Variants in RFX3 observed in about 807,000 individuals in gnomAD.
RFX3 encodes the protein transcription factor RFX3.
In RFX3, 14 loss-of-function variants were observed where a neutral mutation model predicts 98.6. That is an observed-to-expected ratio of 0.14 (90% CI 0.09 to 0.22). RFX3 has a LOEUF of 0.22. Among genes scored for constraint, RFX3 ranks in the 10% least tolerant of loss-of-function variants. The probability of loss-of-function intolerance (pLI) is 1.00; values close to 1 mark genes in which losing one functional copy is unlikely to be tolerated. For synonymous variants in RFX3, 383 were observed against 328.4 expected (o/e 1.17, Z -1.80); for missense variants, 639 against 926.9 (o/e 0.69, Z 4.03).
At chr9:3,383,442 T>C (rs1839401774) in intron 2 of RFX3, among the ~76,000 whole-genome samples, 1 of 152,134 alleles carries the variant, frequency 6.6e-6, no homozygotes, top group South Asian at 2.1e-4. Context: ...AGAGGGCTTA[T>C]AGCACTTCAC....
chr9:3,484,798 A>G (rs930412728), intron 1 of RFX3, among the ~76,000 whole-genome samples: 4 of 152,120 alleles, frequency 2.6e-5, no homozygotes, highest in Non-Finnish European at 5.9e-5. Context: ...TAAATAGTAA[A>G]CAAAGGCTGG....
intron 1 of RFX3, among the ~76,000 whole-genome samples, chr9:3,509,051 T>C (rs1038291116): frequency 2.6e-5 from 4 of 151,634 alleles, no homozygotes; most frequent in African/African-American, 9.7e-5. Flanking sequence ...CCTGCCACAG[T>C]CCCATACTAT....
chr9:3,439,098 C>T (rs865979086), intron 1 of RFX3, among the ~76,000 whole-genome samples: 2 of 150,872 alleles, frequency 1.3e-5, no homozygotes, highest in Non-Finnish European at 3.0e-5. Flanking sequence ...GAAACAAAAA[C>T]GGGGATTAGA....
chr9:3,266,620 G>C (rs1004703689), intron 11 of RFX3, among the ~76,000 whole-genome samples: 2 of 151,692 alleles, frequency 1.3e-5, no homozygotes, highest in African/African-American at 4.8e-5. Context: ...TTTCTTGCTT[G>C]GAAAAAAACA....
At chr9:3,491,708 ATC>A (rs1451598762) in intron 1 of RFX3, among the ~76,000 whole-genome samples, 2 of 152,104 alleles carry the variant, frequency 1.3e-5, no homozygotes, top group African/African-American at 4.8e-5. Context: ...GTTGCTTAGG[ATC>A]TCTTTGTTTT....
chr9:3,412,784 C>T (rs1281697899), intron 1 of RFX3, among the ~76,000 whole-genome samples: 1 of 152,084 alleles, frequency 6.6e-6, no homozygotes, highest in African/African-American at 2.4e-5. Flanking sequence ...AAAAAAACTG[C>T]AAATTTCTTA....
In RFX3 at chr9:3,220,014, G is replaced by A. The variant is rs753302030; in HGVS notation, c.*5028C>T. ...TCCCTTGAACAAAATCAGCAATGGT[G>A]TAAGCAGACTGACATTTAGAGATAT... On this transcript the variant is annotated 3_prime_UTR_variant, in exon 17 of 17. Transcript: ENST00000617270. The A allele has an allele frequency of 6.6e-6, 1 of 152,214 alleles. No homozygotes were observed. The highest frequency in any genetic ancestry group is 1.5e-5 in the Non-Finnish European group (1 of 68,050). 9.4% of individuals were successfully genotyped at this position (152,214 alleles called of 1,614,324 possible).
chr9:3,451,801 T>C (rs944535925), intron 1 of RFX3, among the ~76,000 whole-genome samples: 3 of 152,038 alleles, frequency 2.0e-5, no homozygotes, highest in Non-Finnish European at 4.4e-5. Context: ...TAAATCTAAA[T>C]TTATTCTAAA....
chr9:3,398,914 T>TAAAAAAAAAAAAAAAAAAAAAAAAAA (rs71324247), intron 1 of RFX3, among the ~76,000 whole-genome samples: 1 of 67,568 alleles, frequency 1.5e-5, no homozygotes, highest in African/African-American at 4.8e-5. Flanking sequence ...TAGAGTATAA[T>TAAAAAAAAAAAAAAAAAAAAAAAAAA]AAAAAAAAAA....
intron 2 of RFX3, among the ~76,000 whole-genome samples, chr9:3,367,295 C>A (rs755258176): frequency 6.6e-6 from 1 of 152,024 alleles, no homozygotes; most frequent in Non-Finnish European, 1.5e-5. Flanking sequence ...AAGCAGGCAG[C>A]CTCTAGGAGT....
At chr9:3,469,986 T>C (rs1018853527) in intron 1 of RFX3, among the ~76,000 whole-genome samples, 3 of 152,094 alleles carry the variant, frequency 2.0e-5, no homozygotes, top group Non-Finnish European at 4.4e-5. Context: ...AGGATCACTA[T>C]TGTAATCCCA....
chr9:3,494,895 T>G (rs1850993464), intron 1 of RFX3, among the ~76,000 whole-genome samples: 1 of 151,964 alleles, frequency 6.6e-6, no homozygotes, highest in African/African-American at 2.4e-5. Flanking sequence ...ATTCACACTT[T>G]GAGAAGCATT....
At chr9:3,451,233 A>G (rs1052409762) in intron 1 of RFX3, among the ~76,000 whole-genome samples, 3 of 152,248 alleles carry the variant, frequency 2.0e-5, no homozygotes, top group Non-Finnish European at 4.4e-5. Flanking sequence ...CATATAATCC[A>G]TGAGCCATAT....
chr9:3,446,200 G>T (rs1245221843), intron 1 of RFX3, among the ~76,000 whole-genome samples: 1 of 151,964 alleles, frequency 6.6e-6, no homozygotes, highest in Admixed American at 6.6e-5. Flanking sequence ...GGGTTACTGG[G>T]GGAGTATATA....
chr9:3,219,745 T>C lies in RFX3; in HGVS notation c.*5297A>G, dbSNP rs774219594. On this transcript the variant is annotated 3_prime_UTR_variant, in exon 17 of 17. Coordinates refer to ENST00000617270, the MANE Select transcript of RFX3 (RefSeq NM_001282116.2). ...AAGAATTCAAAAGAAGAGAGTTAAATTAAAACCCTTTGAGTATTGCATGTT... is the reference window on the plus strand; with the variant it reads ...AAGAATTCAAAAGAAGAGAGTTAAACTAAAACCCTTTGAGTATTGCATGTT... 2.6e-5 allele frequency: 4 copies of C among 152,152 alleles called. No homozygotes were observed. Among genetic ancestry groups the C allele is most frequent in the Non-Finnish European group, 4.4e-5 (3 of 68,020 alleles). 9.4% of individuals were successfully genotyped at this position (152,152 alleles called of 1,614,324 possible).
chr9:3,266,355 T>C (rs1030173241), intron 11 of RFX3, 50 bp from the exon 12 acceptor site: 3 of 1,200,334 alleles, frequency 2.5e-6, no homozygotes, highest in Non-Finnish European at 3.7e-6. Context: ...GAAAGAATAT[T>C]AATGTTTGTG....
intron 15 of RFX3, among the ~76,000 whole-genome samples, chr9:3,240,103 G>C (rs1819718996): frequency 6.6e-6 from 1 of 152,200 alleles, no homozygotes; most frequent in South Asian, 2.1e-4. Flanking sequence ...TGGCGACACG[G>C]GCTGGCTATG....
intron 1 of RFX3, among the ~76,000 whole-genome samples, chr9:3,422,756 AC>A (rs1463837426): frequency 6.6e-6 from 1 of 152,198 alleles, no homozygotes; most frequent in East Asian, 1.9e-4. Context: ...GAACACCTGT[AC>A]TATGTAAGAT....
chr9:3,314,953 T>G (rs1830416624), intron 4 of RFX3, among the ~76,000 whole-genome samples: 1 of 152,076 alleles, frequency 6.6e-6, no homozygotes, highest in South Asian at 2.1e-4. Flanking sequence ...CTGTCAACAT[T>G]AGACAGATCA....
Sources: allele counts gnomAD v4.1 joint callset (sites outside exome capture counted in the v4.1 genomes callset), GRCh38; gene constraint gnomAD v4.1.1; transcripts MANE v1.5; gene names NCBI Gene and HGNC (gene_info 2026-07-23, HGNC 2026-07-21).